ABRAXAS2: variants seen among roughly 807,000 people sequenced by gnomAD.
ABRAXAS2 encodes BRISC complex subunit Abraxas 2.
ABRAXAS2 carries 23 observed loss-of-function variants against 49.0 expected under a neutral mutation model. The observed-to-expected ratio is 0.47, with a 90% CI of 0.34 to 0.66. The LOEUF is 0.66. Among genes scored for constraint, ABRAXAS2 ranks in the 30% least tolerant of loss-of-function variants. The probability of loss-of-function intolerance (pLI) is 0.01; values close to 1 mark genes in which losing one functional copy is unlikely to be tolerated. For synonymous variants in ABRAXAS2, 168 were observed against 180.2 expected (o/e 0.93, Z 0.54); for missense variants, 443 against 511.9 (o/e 0.87, Z 1.30).
At chr10:124,829,554 T>A in intron 7 of ABRAXAS2, 77 bp downstream of exon 7, 1 of 966,686 alleles carries the variant, frequency 1.0e-6, no homozygotes, top group Non-Finnish European at 1.6e-6. Flanking sequence ...TTTTGAATTG[T>A]CTTCCAACTG....
chr10:124,820,995 C>G (rs1330977490), intron 4 of ABRAXAS2, among the ~76,000 whole-genome samples: 1 of 151,774 alleles, frequency 6.6e-6, no homozygotes, highest in African/African-American at 2.4e-5. Context: ...CTCACTGCAG[C>G]CTCGACCTCC....
Position 124,829,476 on chromosome 10 carries a change from A to G in ABRAXAS2, c.662A>G (p.Gln221Arg), listed in dbSNP as rs1564925207. Reference sequence around the variant, plus strand: ...TATAATGCACTTCAGGAGAAAGTTCAGGTAACTGATTTATTTATTAGTTTT... The same window carrying G: ...TATAATGCACTTCAGGAGAAAGTTCGGGTAACTGATTTATTTATTAGTTTT... ...QVYNALQEKV[Q>R]AVCADVEKSE... is the part of the protein sequence containing the mutation. The change falls in exon 7 of 9, where the codon CAG (glutamine) becomes CGG (arginine). Residue 221 changes from glutamine to arginine, a missense_variant and splice_region_variant. This residue lies in a region of ABRAXAS2 where 166 missense variants were observed against 247.3 expected (regional missense o/e 0.67). Coordinates refer to ENST00000298492, the MANE Select transcript of ABRAXAS2 (RefSeq NM_032182.4). The G allele has an allele frequency of 6.3e-7, 1 of 1,587,140 alleles. No individual in the cohort carries two copies. The highest frequency in any genetic ancestry group is 8.6e-7 in the Non-Finnish European group (1 of 1,159,484).
chr10:124,814,035 AGGCTGGAGTGCAAT>A (rs1194337053), intron 2 of ABRAXAS2, among the ~76,000 whole-genome samples: 8 of 152,194 alleles, frequency 5.3e-5, no homozygotes, highest in African/African-American at 1.9e-4. Flanking sequence ...TTTGTTGCCC[AGGCTGGAGTGCAAT>A]GGCACAATCT....
At chr10:124,806,305 CAAAAAAAAAA>C (rs1306682829) in intron 1 of ABRAXAS2, among the ~76,000 whole-genome samples, 1 of 94,766 alleles carries the variant, frequency 1.1e-5, no homozygotes, top group Non-Finnish European at 2.2e-5. Context: ...GATTCCGTCT[CAAAAAAAAAA>C]GAAAAAAAAA....
At chr10:124,820,524 T>C (rs1202282062) in intron 4 of ABRAXAS2, among the ~76,000 whole-genome samples, 2 of 152,104 alleles carry the variant, frequency 1.3e-5, no homozygotes, top group Admixed American at 6.6e-5. Flanking sequence ...CTCTGTCACC[T>C]AGGCTGCGGT....
intron 4 of ABRAXAS2, among the ~76,000 whole-genome samples, chr10:124,820,009 G>A (rs1950851803): frequency 6.6e-6 from 1 of 152,018 alleles, no homozygotes; most frequent in Non-Finnish European, 1.5e-5. Context: ...TTTTTACCTT[G>A]GGATATTAAT....
intron 2 of ABRAXAS2, among the ~76,000 whole-genome samples, chr10:124,815,445 T>G (rs1036881905): frequency 6.6e-6 from 1 of 151,746 alleles, no homozygotes. Flanking sequence ...CCACCCACCT[T>G]GGCCTCCCAA....
rs770830784 is a variant in ABRAXAS2, at chr10:124,801,840, C to T, written c.11C>T (p.Ser4Phe). ...CTGGAGATTTCCATCATGGCGGCGT[C>T]CATTTCGGGCTACACCTTCAGTGCT... MAA[S>F]ISGYTFSAVC... The change falls in exon 1 of 9, where the codon TCC becomes TTC. Residue 4 changes from serine to phenylalanine, a missense_variant. Ser to Phe is a radical substitution (Grantham distance 155, BLOSUM62 -2). This residue lies in a region of ABRAXAS2 where 47 missense variants were observed against 27.6 expected (regional missense o/e 1.70). Transcript: ENST00000298492. 6.2e-7 allele frequency: 1 copy of T among 1,613,480 alleles called. No individual in the cohort carries two copies. Among genetic ancestry groups the T allele is most frequent in the South Asian group, 1.1e-5 (1 of 91,076 alleles).
intron 8 of ABRAXAS2, 72 bp downstream of exon 8, chr10:124,831,535 A>G (rs761368917): frequency 3.5e-5 from 28 of 794,362 alleles, no homozygotes; most frequent in Non-Finnish European, 5.3e-5. Context: ...ATACTATACA[A>G]TAAATTATGT....
At chr10:124,806,354 T>C (rs891497429) in intron 1 of ABRAXAS2, among the ~76,000 whole-genome samples, 1 of 151,794 alleles carries the variant, frequency 6.6e-6, no homozygotes, top group Non-Finnish European at 1.5e-5. Flanking sequence ...ATGTGGATGA[T>C]AGGGAATTTA....
At chr10:124,807,836 G>T (rs921135518) in intron 2 of ABRAXAS2, among the ~76,000 whole-genome samples, 4 of 152,030 alleles carry the variant, frequency 2.6e-5, no homozygotes, top group East Asian at 3.9e-4. Context: ...TGCAAATCAG[G>T]CTCTCCCCAT....
chr10:124,820,670 CAG>C (rs1383724886), intron 4 of ABRAXAS2, among the ~76,000 whole-genome samples: 1 of 150,774 alleles, frequency 6.6e-6, no homozygotes, highest in African/African-American at 2.4e-5. Context: ...TTAGTAGAGA[CAG>C]GGTTTCACCA....
chr10:124,826,554 ATTTGTAAGAT>A lies in ABRAXAS2; in HGVS notation c.268-38_268-29del, dbSNP rs1442679428. 1.9e-6 allele frequency: 3 copies of A among 1,581,516 alleles called. No homozygotes were observed. In the East Asian group the frequency reaches 6.7e-5, roughly 35 times the overall value. ...TTTGTATGGATACATTCAGAATTAA[ATTTGTAAGAT>A]TTCATGCAACTTTTCACACTTTTCT... On this transcript the variant is annotated intron_variant, in intron 4 of 8. Coordinates refer to ENST00000298492, the MANE Select transcript of ABRAXAS2 (RefSeq NM_032182.4).
rs752569400 is a variant in ABRAXAS2, at chr10:124,826,678, C to G, written c.351C>G (p.Thr117=). The change falls in exon 5 of 9, where the codon ACC becomes ACG. Residue 117 remains threonine (T), a synonymous_variant. Coordinates refer to ENST00000298492, the MANE Select transcript of ABRAXAS2 (RefSeq NM_032182.4). ...YREQVLHKQL[T]RILGVPDLVF... ...AGCAGGTTCTTCACAAGCAGCTCAC[C>G]CGCATCCTCGGCGTGCCCGACCTCG... 2.5e-6 allele frequency: 4 copies of G among 1,614,072 alleles called. No individual in the cohort carries two copies. In the African/African-American group the frequency reaches 5.3e-5, roughly 22 times the overall value.
intron 4 of ABRAXAS2, among the ~76,000 whole-genome samples, chr10:124,824,346 G>A: frequency 6.6e-6 from 1 of 152,150 alleles, no homozygotes; most frequent in Admixed American, 6.5e-5. Context: ...GACCAGCCTG[G>A]CCAACATGGT....
At chr10:124,815,686 T>C (rs2134163362) in intron 2 of ABRAXAS2, among the ~76,000 whole-genome samples, 1 of 152,294 alleles carries the variant, frequency 6.6e-6, no homozygotes, top group Non-Finnish European at 1.5e-5. Context: ...TTCGCTCTGC[T>C]TAATCACAGC....
chr10:124,802,267 G>A (rs950873919), intron 1 of ABRAXAS2, among the ~76,000 whole-genome samples: 9 of 152,190 alleles, frequency 5.9e-5, no homozygotes, highest in African/African-American at 1.7e-4. Context: ...ACGGGGTCGG[G>A]AAGGAATCTA....
chr10:124,825,719 G>A (rs1950892286), intron 4 of ABRAXAS2, among the ~76,000 whole-genome samples: 1 of 152,196 alleles, frequency 6.6e-6, no homozygotes, highest in Admixed American at 6.5e-5. Context: ...TTTCAAAGAA[G>A]GAAGCTGTAT....
chr10:124,809,942 G>C (rs544109985), intron 2 of ABRAXAS2, among the ~76,000 whole-genome samples: 1 of 151,652 alleles, frequency 6.6e-6, no homozygotes, highest in Non-Finnish European at 1.5e-5. Flanking sequence ...TAGTAGAGAC[G>C]GGGTTTCTCC....
Sources: gnomAD v4.1 joint callset for allele counts (sites outside exome capture counted in the v4.1 genomes callset) on GRCh38, gnomAD v4.1.1 for gene constraint, gnomAD v4.1.1 regional missense constraint, MANE v1.5 for transcripts, NCBI Gene and HGNC (gene_info 2026-07-23, HGNC 2026-07-21) for gene names.